The following ULK3 variants were observed in gnomAD, a reference collection of about 807,000 sequenced individuals.
The protein encoded by ULK3 is unc-51 like kinase 3.
Under a neutral mutation model 69.4 loss-of-function variants are expected in ULK3, and 54 were observed. The observed-to-expected ratio is 0.78, with a 90% CI of 0.63 to 0.98. ULK3 has a LOEUF of 0.98. Ranked by LOEUF, ULK3 falls within the 50% of genes least tolerant of loss-of-function variation. The pLI, the probability that ULK3 is intolerant of heterozygous loss-of-function variation, is 0.00. For missense variants in ULK3, 558 were observed against 627.7 expected, an observed-to-expected ratio of 0.89 and a Z score of 1.19; for synonymous variants, 240 against 254.5, an observed-to-expected ratio of 0.94 and a Z score of 0.54.
intron 12 of ULK3, 36 bp downstream of exon 12, chr15:74,838,230 A>G: frequency 6.4e-7 from 1 of 1,566,894 alleles, no homozygotes; most frequent in African/African-American, 1.4e-5. Context: ...CAGGGTGGCC[A>G]GAGGCCCTGT....
chr15:74,837,547 G>A (rs544866515), intron 14 of ULK3, 112 bp from the exon 15 acceptor site: 56 of 688,434 alleles, frequency 8.1e-5, no homozygotes, highest in Non-Finnish European at 1.2e-4. Flanking sequence ...GCGCAGTGCC[G>A]AGCAAGTGAG....
rs774756261 is a variant in ULK3 at position 74,838,316 on chromosome 15, G to A, written c.1196C>T (p.Ala399Val). The part of the protein sequence containing the change: ...KEEAAGGEQD[A>V]LDLYQHSLGE... ...CAGGCTGTGCTGGTACAGGTCCAGG[G>A]CATCCTGCTCCCCGCCGGCGGCCTC... is the stretch of plus-strand genomic sequence containing the variant. Residue 399 changes from alanine (A) to valine (V), a missense_variant, in exon 12 of 16, where the codon GCC (alanine) becomes GTC (valine). Ala to Val is a moderately conservative substitution (Grantham distance 64, BLOSUM62 0). Coordinates refer to ENST00000440863, the MANE Select transcript of ULK3 (RefSeq NM_001099436.4). 8 of 1,566,522 alleles carry A rather than the reference G, an allele frequency of 5.1e-6. No homozygotes were observed. Among genetic ancestry groups the A allele is most frequent in the Middle Eastern group, 1.7e-4 (1 of 5,930 alleles).
chr15:74,838,778 T>C (rs2064128340), intron 9 of ULK3, 33 bp from the exon 10 acceptor site: 1 of 1,557,210 alleles, frequency 6.4e-7, no homozygotes, highest in African/African-American at 1.4e-5. Flanking sequence ...GGAGGGGCTG[T>C]CTCACCAGCT....
intron 13 of ULK3, 122 bp downstream of exon 13, chr15:74,838,030 C>A (rs2064087892): frequency 1.4e-6 from 2 of 1,448,886 alleles, no homozygotes; most frequent in Non-Finnish European, 9.3e-7. Context: ...TATGGTTTGA[C>A]TTCCAGACTT....
rs186124058 is a variant in ULK3 at position 74,841,504 on chromosome 15, C to T, written c.370G>A (p.Ala124Thr). The T allele has an allele frequency of 4.6e-5, 74 of 1,613,774 alleles. No homozygotes were observed. In the East Asian group the frequency reaches 1.5e-3, roughly 32 times the overall value. The change falls in exon 4 of 16, where the codon GCC becomes ACC. Residue 124 changes from alanine (A) to threonine (T), a missense_variant. Physicochemically the swap from Ala to Thr is moderately conservative, Grantham distance 58. Coordinates refer to ENST00000440863, the MANE Select transcript of ULK3 (RefSeq NM_001099436.4). ...TTCCGTTCATGCAGGAATTGCAGGG[C>T]GCTAGCTGAGGAGCAGGACCCACGA... The part of the protein sequence containing the change: ...ARVFMQQLAS[A>T]LQFLHERNIS...
chr15:74,838,261 C>T lies in ULK3; in HGVS notation c.1246+5G>A. ...CCTGTGGGGGGCATAAATGGGGGCC[C>T]TCACCTGCCAGCAACAGCAGTAGCT... On this transcript the variant is annotated splice_donor_5th_base_variant and intron_variant, in intron 12 of 15. Coordinates refer to ENST00000440863, the MANE Select transcript of ULK3 (RefSeq NM_001099436.4). 1 of 1,561,368 alleles carries T rather than the reference C, an allele frequency of 6.4e-7. No individual in the cohort carries two copies. The highest frequency in any genetic ancestry group is 8.7e-7 in the Non-Finnish European group (1 of 1,152,990).
At position 74,837,210 on chromosome 15, in the gene ULK3, C is replaced by T; in HGVS notation, c.*18G>A. The T allele has an allele frequency of 6.5e-7, 1 of 1,549,230 alleles. No individual in the cohort carries two copies. The highest frequency in any genetic ancestry group is 8.7e-7 in the Non-Finnish European group (1 of 1,145,800). On this transcript the variant is annotated 3_prime_UTR_variant, in exon 16 of 16. Coordinates refer to ENST00000440863, the MANE Select transcript of ULK3 (RefSeq NM_001099436.4). Reference sequence around the variant, plus strand: ...TCTGCTCCAGATGGCTCACATCTGTCCAATCATTCTTCTAGGGTCACTGAA... The same window carrying T: ...TCTGCTCCAGATGGCTCACATCTGTTCAATCATTCTTCTAGGGTCACTGAA...
Position 74,842,981 on chromosome 15 carries a change from C to G in ULK3, c.102+23G>C, listed in dbSNP as rs373878535. On this transcript the variant is annotated intron_variant, in intron 1 of 15. Coordinates refer to ENST00000440863, the MANE Select transcript of ULK3 (RefSeq NM_001099436.4). The surrounding 1 kb of genome is among the most constrained non-coding windows in gnomAD (Gnocchi z 4.9). ...CCAGCCGAGCTAGCTCGGGCGGGCACGGGGCCATCGGCCGGCACCCACCTT... is the reference window on the plus strand; with the variant it reads ...CCAGCCGAGCTAGCTCGGGCGGGCAGGGGGCCATCGGCCGGCACCCACCTT... The G allele has an allele frequency of 2.6e-6, 4 of 1,543,574 alleles. No homozygotes were observed. Among genetic ancestry groups the G allele is most frequent in the Non-Finnish European group, 3.5e-6 (4 of 1,143,942 alleles).
rs886441936 is a variant in ULK3 at position 74,839,383 on chromosome 15, G to A, written c.853-10C>T. The A allele has an allele frequency of 6.4e-7, 1 of 1,555,750 alleles. No homozygotes were observed. The highest frequency in any genetic ancestry group is 1.2e-5 in the South Asian group (1 of 84,326). Reference sequence around the variant, plus strand: ...GCACCACCAGGGCGGTCTGGGGATGGGCAGATCAGGGGTCAGGTCCACCTC... The same window carrying A: ...GCACCACCAGGGCGGTCTGGGGATGAGCAGATCAGGGGTCAGGTCCACCTC... On this transcript the variant is annotated splice_polypyrimidine_tract_variant and intron_variant, in intron 7 of 15. Coordinates refer to ENST00000440863, the MANE Select transcript of ULK3 (RefSeq NM_001099436.4).
At chr15:74,837,491 C>T in intron 14 of ULK3, 56 bp from the exon 15 acceptor site, 1 of 1,236,722 alleles carries the variant, frequency 8.1e-7, no homozygotes, top group Non-Finnish European at 1.0e-6. Flanking sequence ...AGCCACAGCG[C>T]AGTGCCGAGC....
chr15:74,837,275 G>C, intron 15 of ULK3, 31 bp from the exon 16 acceptor site: 1 of 1,605,426 alleles, frequency 6.2e-7, no homozygotes, highest in Non-Finnish European at 8.5e-7. Context: ...ATGGGGGAGG[G>C]TCAGTCTCAG....
At position 74,837,783 on chromosome 15, in the gene ULK3, C is replaced by G; in HGVS notation, c.1303G>C (p.Ala435Pro). ...LLHTEVQNLM[A>P]RAEYLKEQVK... ...TGCTCCTTCAAGTATTCAGCTCGGG[C>G]CATGAGGTTCTGAACCTGCCAAGGA... The change falls in exon 14 of 16, where the codon GCC becomes CCC. Residue 435 changes from alanine (A) to proline (P), a missense_variant. Coordinates refer to ENST00000440863, the MANE Select transcript of ULK3 (RefSeq NM_001099436.4). The G allele has an allele frequency of 1.3e-6, 2 of 1,598,010 alleles. No individual in the cohort carries two copies. Among genetic ancestry groups the G allele is most frequent in the Non-Finnish European group, 1.7e-6 (2 of 1,171,900 alleles).
At position 74,837,637 on chromosome 15, in the gene ULK3, G is replaced by A. The variant is rs1028892047; in HGVS notation, c.1335+114C>T. 66 of 1,366,778 alleles carry A rather than the reference G, an allele frequency of 4.8e-5. No homozygotes were observed. The East Asian group carries it at 1.6e-3, about 34-fold the overall frequency. 84.7% of individuals were successfully genotyped at this position (1,366,778 alleles called of 1,614,324 possible). ...GAAGGGCAGATACAGGGACAGGGAG[G>A]CCTGCAGAGGAGGCGAGAGAGCAGA... On this transcript the variant is annotated intron_variant, in intron 14 of 15. Coordinates refer to ENST00000440863, the MANE Select transcript of ULK3 (RefSeq NM_001099436.4).
Position 74,839,281 on chromosome 15 carries a change from T to C in ULK3, c.945A>G (p.Val315=). 6.4e-7 allele frequency: 1 copy of C among 1,558,852 alleles called. No individual in the cohort carries two copies. Among genetic ancestry groups the C allele is most frequent in the Non-Finnish European group, 8.7e-7 (1 of 1,150,988 alleles). ...SLYCKALDFF[V]PALHYEVDAQ... ...CCTGGGACTCACAGTGCAGGGCAGGTACAAAGAAGTCCAGAGCCTTGCAGT... is the reference window on the plus strand; with the variant it reads ...CCTGGGACTCACAGTGCAGGGCAGGCACAAAGAAGTCCAGAGCCTTGCAGT... Residue 315 remains valine (V), a synonymous_variant, in exon 8 of 16, where the codon GTA becomes GTG. Coordinates refer to ENST00000440863, the MANE Select transcript of ULK3 (RefSeq NM_001099436.4).
Position 74,837,387 on chromosome 15 carries a change from A to G in ULK3, c.1384T>C (p.Ser462Pro). 1 of 1,613,140 alleles carries G rather than the reference A, an allele frequency of 6.2e-7. No homozygotes were observed. The highest frequency in any genetic ancestry group is 8.5e-7 in the Non-Finnish European group (1 of 1,179,576). Residue 462 changes from serine to proline, a missense_variant, in exon 15 of 16, where the codon TCG becomes CCG. Physicochemically the swap from Ser to Pro is moderately conservative, Grantham distance 74 (BLOSUM62 -1). Coordinates refer to ENST00000440863, the MANE Select transcript of ULK3 (RefSeq NM_001099436.4). ...GACTCACAGCTACGAACAGATTCCG[A>G]CAGTCCCTCTTTGTCCAGGGTGTCA... ...EADTLDKEGL[S>P]ESVRSSCTLQ is the part of the protein sequence containing the mutation.
rs1390574843 is a variant in ULK3 at position 74,842,808 on chromosome 15, C to G, written c.102+196G>C. 2 of 1,422,050 alleles carry G rather than the reference C, an allele frequency of 1.4e-6. No homozygotes were observed. Among genetic ancestry groups the G allele is most frequent in the African/African-American group, 2.8e-5 (2 of 70,572 alleles). The allele number at this position is 1,422,050 out of a possible 1,614,324, so 88.1% of individuals were successfully genotyped here. ...TTGAGCCTGTTCTTCAGCCACTGAC[C>G]CTGCAGGTGGGTGCAGGTGCGCTCT... On this transcript the variant is annotated intron_variant, in intron 1 of 15. Transcript: ENST00000440863. This position sits in a 1 kb window ranked among gnomAD's most constrained non-coding sequence, Gnocchi z 4.9.
chr15:74,836,166 C>T lies in ULK3; in HGVS notation c.*1062G>A, dbSNP rs1290452253. ...AACAATGAATGATACTCTTTACACT[C>T]AGCCTCCTGCAGGGAGGACAGACAG... On this transcript the variant is annotated 3_prime_UTR_variant, in exon 16 of 16. Coordinates refer to ENST00000440863, the MANE Select transcript of ULK3 (RefSeq NM_001099436.4). This position sits in a 1 kb window ranked among gnomAD's most constrained non-coding sequence, Gnocchi z 4.0. 2.0e-5 allele frequency: 3 copies of T among 152,360 alleles called. No homozygotes were observed. Among genetic ancestry groups the T allele is most frequent in the African/African-American group, 7.2e-5 (3 of 41,570 alleles). 9.4% of individuals were successfully genotyped at this position (152,360 alleles called of 1,614,324 possible). A position where few individuals can be genotyped will look rare whatever the true frequency, so the allele number is the denominator to read the frequency against.
intron 13 of ULK3, 131 bp downstream of exon 13, chr15:74,838,021 A>G: frequency 3.5e-6 from 5 of 1,417,188 alleles, no homozygotes; most frequent in South Asian, 1.4e-5. Flanking sequence ...CCCCAGCCCT[A>G]TGGTTTGACT....
At chr15:74,838,039 T>C in intron 13 of ULK3, 113 bp downstream of exon 13, 1 of 1,468,176 alleles carries the variant, frequency 6.8e-7, no homozygotes. Context: ...ACTTCCAGAC[T>C]TGGAACACCC....
Sources: gnomAD v4.1 joint callset for allele counts on GRCh38, gnomAD v4.1.1 for gene constraint, Gnocchi (gnomAD v3.1) non-coding constraint, MANE v1.5 for transcripts, NCBI Gene and HGNC (gene_info 2026-07-23, HGNC 2026-07-21) for gene names.